Variants in DAGLA observed in about 807,000 individuals in gnomAD.
DAGLA encodes diacylglycerol lipase alpha.
DAGLA carries 22 observed loss-of-function variants against 102.6 expected under a neutral mutation model. That is an observed-to-expected ratio of 0.21 (90% CI 0.15 to 0.31). DAGLA has a LOEUF of 0.31. Ranked by LOEUF, DAGLA falls within the 10% of genes least tolerant of loss-of-function variation. The pLI is 1.00. For synonymous variants in DAGLA, 578 were observed against 628.9 expected, an observed-to-expected ratio of 0.92 and a Z score of 1.21; for missense variants, 927 against 1,446.6, an observed-to-expected ratio of 0.64 and a Z score of 5.83.
intron 7 of DAGLA, 104 bp downstream of exon 7, chr11:61,728,391 TC>T (rs1227008647): frequency 2.1e-6 from 3 of 1,436,824 alleles, no homozygotes; most frequent in Admixed American, 1.8e-5. Context: ...CCCACGCAGC[TC>T]CCCAGTGACC....
intron 17 of DAGLA, 127 bp from the exon 18 acceptor site, chr11:61,740,336 C>A: frequency 1.6e-6 from 2 of 1,241,596 alleles, no homozygotes; most frequent in Non-Finnish European, 2.2e-6. Context: ...TGCTGCCAGG[C>A]AGGCCAGGGG....
At chr11:61,731,229 G>A (rs1049008410) in intron 8 of DAGLA, 88 bp from the exon 9 acceptor site, 81 of 1,536,980 alleles carry the variant, frequency 5.3e-5, no homozygotes, top group Admixed American at 7.2e-5. Context: ...GGTTGGGTCC[G>A]CAGGCTCCCA....
intron 1 of DAGLA, among the ~76,000 whole-genome samples, chr11:61,701,242 A>G (rs2065108242): frequency 6.6e-6 from 1 of 152,138 alleles, no homozygotes; most frequent in Non-Finnish European, 1.5e-5. Flanking sequence ...TCTCTCTCAG[A>G]CGCCCTGAGC....
intron 17 of DAGLA, 43 bp from the exon 18 acceptor site, chr11:61,740,420 C>T (rs1175076206): frequency 6.3e-7 from 1 of 1,599,850 alleles, no homozygotes; most frequent in Middle Eastern, 1.8e-4. Context: ...AGGGCCAGGC[C>T]ACCACCCCAC....
chr11:61,743,480 G>C, intron 19 of DAGLA, 52 bp from the exon 20 acceptor site: 7 of 1,419,984 alleles, frequency 4.9e-6, no homozygotes, highest in Non-Finnish European at 6.5e-6. Flanking sequence ...CTGGGGTTCA[G>C]TCCCCTCTCC....
Position 61,737,205 on chromosome 11 carries a change from C to A in DAGLA, c.1395C>A (p.Gly465=), listed in dbSNP as rs1780818514. ...AGGGCCGCGGAACCAAACACTACGGCCTGATTGTGGTGGGCCACTCCCTGG... is the reference window on the plus strand; with the variant it reads ...AGGGCCGCGGAACCAAACACTACGGACTGATTGTGGTGGGCCACTCCCTGG... ...RDLGRGTKHY[G]LIVVGHSLGA... The change falls in exon 14 of 20, where the codon GGC becomes GGA. Residue 465 remains glycine (G), a synonymous_variant. Coordinates refer to ENST00000257215, the MANE Select transcript of DAGLA (RefSeq NM_006133.3). 2 of 1,613,418 alleles carry A rather than the reference C, an allele frequency of 1.2e-6. No homozygotes were observed. The highest frequency in any genetic ancestry group is 1.7e-6 in the Non-Finnish European group (2 of 1,180,034).
At chr11:61,720,920 C>G (rs780258755) in intron 3 of DAGLA, 30 bp downstream of exon 3, 5 of 1,590,290 alleles carry the variant, frequency 3.1e-6, no homozygotes, top group Middle Eastern at 1.9e-4. Flanking sequence ...GGGTGCTGCC[C>G]CAGACAACTC....
chr11:61,741,125 C>T, intron 18 of DAGLA, 37 bp from the exon 19 acceptor site: 2 of 1,573,652 alleles, frequency 1.3e-6, no homozygotes, highest in South Asian at 1.1e-5. Flanking sequence ...GCCTGATGTC[C>T]CTCCACCACC....
At chr11:61,732,529 C>G (rs2065384483) in intron 9 of DAGLA, among the ~76,000 whole-genome samples, 1 of 152,222 alleles carries the variant, frequency 6.6e-6, no homozygotes, top group African/African-American at 2.4e-5. Context: ...TAAACTGTAA[C>G]AGGTGGTATC....
chr11:61,745,977 T>G lies in DAGLA; in HGVS notation c.*1488T>G, dbSNP rs1472580942. The G allele has an allele frequency of 6.6e-6, 1 of 152,438 alleles. No individual in the cohort carries two copies. Among genetic ancestry groups the G allele is most frequent in the East Asian group, 1.9e-4 (1 of 5,326 alleles). 9.4% of individuals were successfully genotyped at this position (152,438 alleles called of 1,614,324 possible). A position where few individuals can be genotyped will look rare whatever the true frequency, so the allele number is the denominator to read the frequency against. ...GGAAAACTGGTGTGTACCGAGGCGCTGACTGCACGGCTGACCGCCTGCTCG... is the reference window on the plus strand; with the variant it reads ...GGAAAACTGGTGTGTACCGAGGCGCGGACTGCACGGCTGACCGCCTGCTCG... On this transcript the variant is annotated 3_prime_UTR_variant, in exon 20 of 20. Transcript: ENST00000257215.
chr11:61,694,239 A>G (rs2065046425), intron 1 of DAGLA, among the ~76,000 whole-genome samples: 1 of 152,204 alleles, frequency 6.6e-6, no homozygotes, highest in Non-Finnish European at 1.5e-5. Context: ...GGACTGTCAC[A>G]TGTCTTCAGT....
intron 1 of DAGLA, among the ~76,000 whole-genome samples, chr11:61,688,351 A>C (rs2065001305): frequency 6.6e-6 from 1 of 151,334 alleles, no homozygotes; most frequent in Non-Finnish European, 1.5e-5. Flanking sequence ...GATTGCTCGT[A>C]CATGAGATTC....
chr11:61,723,082 C>G, intron 4 of DAGLA, 122 bp downstream of exon 4: 1 of 844,412 alleles, frequency 1.2e-6, no homozygotes, highest in South Asian at 1.6e-5. Flanking sequence ...GGGGCACCAG[C>G]AGGTTGGCTG....
At chr11:61,695,239 TG>T (rs1167245990) in intron 1 of DAGLA, among the ~76,000 whole-genome samples, 7 of 152,132 alleles carry the variant, frequency 4.6e-5, no homozygotes, top group African/African-American at 1.7e-4. Flanking sequence ...GAGCCAGCTT[TG>T]CTTTCCCCGC....
chr11:61,736,246 C>A, intron 12 of DAGLA, 24 bp from the exon 13 acceptor site: 1 of 1,609,626 alleles, frequency 6.2e-7, no homozygotes, highest in South Asian at 1.1e-5. Flanking sequence ...CCACCAACAC[C>A]TGCTTCTGTT....
chr11:61,705,170 C>G (rs2065139310), intron 1 of DAGLA, among the ~76,000 whole-genome samples: 1 of 152,210 alleles, frequency 6.6e-6, no homozygotes, highest in Non-Finnish European at 1.5e-5. Context: ...ATCCAGTGCC[C>G]CCTCTGCCCG....
At chr11:61,721,547 G>A (rs1381767019) in intron 3 of DAGLA, among the ~76,000 whole-genome samples, 1 of 152,208 alleles carries the variant, frequency 6.6e-6, no homozygotes, top group African/African-American at 2.4e-5. Context: ...CCCTTTACAG[G>A]AAAAGGTGCT....
rs955902249 is a variant in DAGLA at position 61,746,710 on chromosome 11, C to T, written c.*2221C>T. 9.2e-5 allele frequency: 14 copies of T among 152,708 alleles called. No homozygotes were observed. The highest frequency in any genetic ancestry group is 3.4e-4 in the African/African-American group (14 of 41,542). The allele number at this position is 152,708 out of a possible 1,614,324, so 9.5% of individuals were successfully genotyped here. A position where few individuals can be genotyped will look rare whatever the true frequency, so the allele number is the denominator to read the frequency against. On this transcript the variant is annotated 3_prime_UTR_variant, in exon 20 of 20. Coordinates refer to ENST00000257215, the MANE Select transcript of DAGLA (RefSeq NM_006133.3). ...CCCCTCAGCCCCGTTCGGCTCAGAC[C>T]GACCCCCACTCCATCCCCAGACCTG...
chr11:61,736,664 GCTC>G (rs1737725564), intron 13 of DAGLA, among the ~76,000 whole-genome samples: 2 of 152,218 alleles, frequency 1.3e-5, no homozygotes, highest in African/African-American at 2.4e-5. Flanking sequence ...ACATGGAGAG[GCTC>G]AAAATACAGA....
Sources: gnomAD v4.1 joint callset for allele counts (sites outside exome capture counted in the v4.1 genomes callset) on GRCh38, gnomAD v4.1.1 for gene constraint, MANE v1.5 for transcripts, NCBI Gene and HGNC (gene_info 2026-07-23, HGNC 2026-07-21) for gene names.